The following ENTREP2 variants were observed in gnomAD, a reference collection of about 807,000 sequenced individuals.
ENTREP2 encodes the protein protein ENTREP2.
At chr15:29,628,912 G>A in the ENTREP2 span, among the ~76,000 whole-genome samples, 1 of 152,020 alleles carries the variant, frequency 6.6e-6, no homozygotes, top group Non-Finnish European at 1.5e-5. Context: ...AACACACCCG[G>A]CTAATTTTTG....
the ENTREP2 span, among the ~76,000 whole-genome samples, chr15:29,339,692 G>A: frequency 5.3e-5 from 8 of 152,246 alleles, no homozygotes; most frequent in Non-Finnish European, 1.2e-4. Context: ...TTGCGAGAAA[G>A]ATGTCTAATT....
the ENTREP2 span, among the ~76,000 whole-genome samples, chr15:29,636,987 TAAACATG>T: frequency 6.6e-6 from 1 of 150,416 alleles, no homozygotes; most frequent in Non-Finnish European, 1.5e-5. Context: ...AAGCTTAACA[TAAACATG>T]GTTTAAACAT....
the ENTREP2 span, among the ~76,000 whole-genome samples, chr15:29,289,261 A>C: frequency 1.3e-5 from 2 of 152,124 alleles, no homozygotes; most frequent in Non-Finnish European, 2.9e-5. Context: ...ATGGAACATA[A>C]GGGCTTCAAG....
the ENTREP2 span, among the ~76,000 whole-genome samples, chr15:29,286,130 TAAC>T: frequency 2.0e-5 from 3 of 151,934 alleles, no homozygotes; most frequent in African/African-American, 4.8e-5. Context: ...AGATAAGAAA[TAAC>T]AAAGAAAGCT....
chr15:29,172,701 A>T, the ENTREP2 span, among the ~76,000 whole-genome samples: 1 of 152,088 alleles, frequency 6.6e-6, no homozygotes, highest in African/African-American at 2.4e-5. Flanking sequence ...TGGAGCCAAC[A>T]TCTCTGCCTC....
At chr15:29,282,087 G>C in the ENTREP2 span, among the ~76,000 whole-genome samples, 1 of 152,184 alleles carries the variant, frequency 6.6e-6, no homozygotes, top group African/African-American at 2.4e-5. Context: ...ATCCTCATAT[G>C]TCATGGACAT....
At chr15:29,391,885 C>G in the ENTREP2 span, among the ~76,000 whole-genome samples, 1 of 152,184 alleles carries the variant, frequency 6.6e-6, no homozygotes, top group Non-Finnish European at 1.5e-5. Context: ...AGTGCAGTGA[C>G]ACGAGCTCGG....
At chr15:29,647,365 CT>C in the ENTREP2 span, among the ~76,000 whole-genome samples, 1 of 152,260 alleles carries the variant, frequency 6.6e-6, no homozygotes, top group East Asian at 1.9e-4. Flanking sequence ...TATGTATCGC[CT>C]TTTTACAAAC....
At chr15:29,327,996 G>A in the ENTREP2 span, among the ~76,000 whole-genome samples, 30 of 152,262 alleles carry the variant, frequency 2.0e-4, no homozygotes, top group East Asian at 5.6e-3. Flanking sequence ...GTTTATAGCA[G>A]CTTTATTTTT....
the ENTREP2 span, chr15:29,570,649 G>A: frequency 5.8e-5 from 79 of 1,351,274 alleles, no homozygotes; most frequent in Admixed American, 5.5e-4. Flanking sequence ...AGCGGCCCGG[G>A]CACTCGCGCA....
At chr15:29,600,470 C>T in the ENTREP2 span, among the ~76,000 whole-genome samples, 1 of 116,710 alleles carries the variant, frequency 8.6e-6, no homozygotes, top group African/African-American at 3.0e-5. Flanking sequence ...TCATCATCAT[C>T]AATCATCATC....
the ENTREP2 span, among the ~76,000 whole-genome samples, chr15:29,274,031 T>C: frequency 6.6e-6 from 1 of 152,208 alleles, no homozygotes; most frequent in Admixed American, 6.5e-5. Context: ...TCTATTCTAT[T>C]AATTCTGTCC....
chr15:29,490,645 A>G, the ENTREP2 span, among the ~76,000 whole-genome samples: 1 of 152,184 alleles, frequency 6.6e-6, no homozygotes, highest in Non-Finnish European at 1.5e-5. Flanking sequence ...GCTAGGTGTA[A>G]AAGTTCTCCA....
the ENTREP2 span, among the ~76,000 whole-genome samples, chr15:29,668,213 C>T: frequency 2.4e-4 from 36 of 152,294 alleles, no homozygotes; most frequent in African/African-American, 3.8e-4. Flanking sequence ...ACCAACAGGC[C>T]GCTCGGGCCT....
chr15:29,120,329 T>A, the ENTREP2 span: 1 of 152,222 alleles, frequency 6.6e-6, no homozygotes, highest in African/African-American at 2.4e-5. Context: ...ATACAGCCTT[T>A]CCAGTTGTAC....
At chr15:29,498,613 C>A in the ENTREP2 span, among the ~76,000 whole-genome samples, 1 of 152,112 alleles carries the variant, frequency 6.6e-6, no homozygotes, top group Non-Finnish European at 1.5e-5. Flanking sequence ...TTAGAAGAAT[C>A]TGTACTCTGC....
At chr15:29,384,052 C>T in the ENTREP2 span, among the ~76,000 whole-genome samples, 5 of 152,154 alleles carry the variant, frequency 3.3e-5, no homozygotes, top group Admixed American at 3.3e-4. Flanking sequence ...AACTCTCCTT[C>T]CAAATGCCCC....
At chr15:29,247,336 A>G in the ENTREP2 span, among the ~76,000 whole-genome samples, 144 of 152,352 alleles carry the variant, frequency 9.5e-4, 1 homozygote, top group African/African-American at 3.4e-3. Context: ...TCAAATCTCA[A>G]ATCCATTCTT....
the ENTREP2 span, among the ~76,000 whole-genome samples, chr15:29,667,429 CT>C: frequency 3.4e-4 from 51 of 149,942 alleles, 1 homozygote; most frequent in African/African-American, 1.2e-3. Context: ...ACCTCATGAT[CT>C]GCCCATCTTG....
Sources: allele counts gnomAD v4.1 joint callset (sites outside exome capture counted in the v4.1 genomes callset), GRCh38; gene constraint gnomAD v4.1.1; transcripts MANE v1.5; gene names NCBI Gene and HGNC (gene_info 2026-07-23, HGNC 2026-07-21).